Variants in SYT14 observed in about 807,000 individuals in gnomAD.
The protein encoded by SYT14 is synaptotagmin 14.
A neutral mutation model predicts 74.2 loss-of-function variants in SYT14; 32 were observed. The observed-to-expected ratio is 0.43, with a 90% confidence interval of 0.33 to 0.58. SYT14 has a LOEUF of 0.58. Among genes scored for constraint, SYT14 ranks in the 20% least tolerant of loss-of-function variants. The pLI is 0.05. For missense variants in SYT14, 791 were observed against 981.8 expected, an observed-to-expected ratio of 0.81 and a Z score of 2.60; for synonymous variants, 298 against 337.7, an observed-to-expected ratio of 0.88 and a Z score of 1.29.
intron 3 of SYT14, among the ~76,000 whole-genome samples, chr1:210,014,376 A>G (rs1376412503): frequency 6.6e-6 from 1 of 151,278 alleles, no homozygotes; most frequent in Non-Finnish European, 1.5e-5. Context: ...TGAGGGCTGT[A>G]ATACCATTCT....
At chr1:210,007,698 A>G (rs1223751215) in intron 2 of SYT14, among the ~76,000 whole-genome samples, 1 of 152,074 alleles carries the variant, frequency 6.6e-6, no homozygotes, top group African/African-American at 2.4e-5. Context: ...GCTTTTTCTT[A>G]TCTTTTATAT....
exon 10 of SYT14, chr1:210,162,810 G>T: frequency 2.2e-6 from 1 of 451,206 alleles, no homozygotes; most frequent in Non-Finnish European, 4.4e-6. Context: ...TCATACACAT[G>T]AATTATAAGA....
chr1:210,000,598 G>A (rs2079879252), intron 2 of SYT14, among the ~76,000 whole-genome samples: 1 of 142,466 alleles, frequency 7.0e-6, no homozygotes, highest in African/African-American at 2.6e-5. Context: ...TTTCATTAGG[G>A]CTGTTTTATG....
At chr1:210,123,294 A>G (rs1572341780) in intron 7 of SYT14, among the ~76,000 whole-genome samples, 1 of 152,208 alleles carries the variant, frequency 6.6e-6, no homozygotes, top group African/African-American at 2.4e-5. Context: ...GCATCAGCAG[A>G]TGAGACATAC....
exon 10 of SYT14, chr1:210,169,221 G>GGTTT (rs2083492295): frequency 6.0e-5 from 3 of 50,240 alleles, no homozygotes; most frequent in African/African-American, 1.6e-4. Context: ...TGTTTTTGGT[G>GGTTT]TTTTTTTTTT....
chr1:210,065,772 A>G (rs1051653384), intron 5 of SYT14, among the ~76,000 whole-genome samples: 3 of 152,008 alleles, frequency 2.0e-5, no homozygotes, highest in Non-Finnish European at 4.4e-5. Context: ...CATGTGCACA[A>G]CGTGCAGGTT....
chr1:210,160,438 G>A (rs922249631), intron 9 of SYT14, among the ~76,000 whole-genome samples: 15 of 152,010 alleles, frequency 9.9e-5, no homozygotes, highest in African/African-American at 3.6e-4. Context: ...AGGATGGGGT[G>A]GGAGGGTGAA....
At chr1:210,124,688 G>C (rs548255524) in intron 7 of SYT14, among the ~76,000 whole-genome samples, 1 of 152,272 alleles carries the variant, frequency 6.6e-6, no homozygotes, top group Non-Finnish European at 1.5e-5. Flanking sequence ...GAAGTGTTTC[G>C]ATGTATAATC....
At chr1:210,032,332 C>G (rs2080556347) in intron 5 of SYT14, among the ~76,000 whole-genome samples, 1 of 151,904 alleles carries the variant, frequency 6.6e-6, no homozygotes, top group South Asian at 2.1e-4. Flanking sequence ...CTACTTTGGT[C>G]TCTTGTATTA....
At chr1:210,059,126 TTTTAAATTCTACTAGC>T (rs1485791923) in intron 5 of SYT14, among the ~76,000 whole-genome samples, 1 of 151,366 alleles carries the variant, frequency 6.6e-6, no homozygotes, top group South Asian at 2.1e-4. Context: ...GGGAATGGAG[TTTTAAATTCTACTAGC>T]TTTAAATTCT....
intron 7 of SYT14, among the ~76,000 whole-genome samples, chr1:210,140,936 C>T (rs963402057): frequency 9.2e-5 from 14 of 151,660 alleles, no homozygotes; most frequent in African/African-American, 3.1e-4. Flanking sequence ...AAGTGTGAGT[C>T]CTCCAACCTT....
rs148568935 is a variant in SYT14, at chr1:210,129,565, C to T, written c.2035-26156C>T. On this transcript the variant is annotated intron_variant, in intron 7 of 9. Coordinates refer to ENST00000637265, the Ensembl canonical transcript of SYT14. ...TGATGAATGGATGCTAGGGACATAACCAGCTAATGTCTACTGTAATATTTA... is the reference window on the plus strand; with the variant it reads ...TGATGAATGGATGCTAGGGACATAATCAGCTAATGTCTACTGTAATATTTA... Among the ~76,000 whole-genome samples the T allele has an allele frequency of 1.6e-4, 24 of 152,316 alleles. No homozygotes were observed. The East Asian group carries it at 4.4e-3, about 28-fold the overall frequency.
chr1:210,005,713 A>G (rs1032612876), intron 2 of SYT14, among the ~76,000 whole-genome samples: 11 of 152,054 alleles, frequency 7.2e-5, no homozygotes, highest in South Asian at 2.1e-4. Flanking sequence ...TAAAGCCTCA[A>G]TCAAGACTGT....
At chr1:210,140,602 CTATGT>C (rs2082894048) in intron 7 of SYT14, among the ~76,000 whole-genome samples, 1 of 151,948 alleles carries the variant, frequency 6.6e-6, no homozygotes, top group Non-Finnish European at 1.5e-5. Context: ...AGATTTACTA[CTATGT>C]TTTCTTCTAG....
chr1:210,057,374 C>G (rs2081119543), intron 5 of SYT14, among the ~76,000 whole-genome samples: 1 of 152,190 alleles, frequency 6.6e-6, no homozygotes, highest in Non-Finnish European at 1.5e-5. Flanking sequence ...CTATTTAGCA[C>G]TGCATTTCAA....
At chr1:210,137,202 A>AGG (rs2082805313) in intron 7 of SYT14, among the ~76,000 whole-genome samples, 1 of 152,184 alleles carries the variant, frequency 6.6e-6, no homozygotes, top group Admixed American at 6.5e-5. Flanking sequence ...AACTCTGAAG[A>AGG]GGAGGCAGGT....
At chr1:209,990,539 GTATATATA>G (rs1394160342) in intron 2 of SYT14, among the ~76,000 whole-genome samples, 1 of 24,722 alleles carries the variant, frequency 4.0e-5, no homozygotes, top group African/African-American at 2.7e-4. Flanking sequence ...ATATATATAC[GTATATATA>G]TGTATATATA....
exon 10 of SYT14, chr1:210,160,803 G>C: frequency 6.2e-7 from 1 of 1,613,978 alleles, no homozygotes; most frequent in Non-Finnish European, 8.5e-7. Flanking sequence ...CATCCGCAGA[G>C]GGCAGCCAAA....
At chr1:210,135,518 T>G (rs568637382) in intron 7 of SYT14, among the ~76,000 whole-genome samples, 5 of 152,254 alleles carry the variant, frequency 3.3e-5, no homozygotes, top group African/African-American at 1.2e-4. Context: ...GACATATTTA[T>G]AATCGCTGTT....
Sources: allele counts gnomAD v4.1 joint callset (sites outside exome capture counted in the v4.1 genomes callset), GRCh38; gene constraint gnomAD v4.1.1; transcripts MANE v1.5; gene names NCBI Gene and HGNC (gene_info 2026-07-23, HGNC 2026-07-21).